SEMA4B: variants seen among roughly 807,000 people sequenced by gnomAD.
The protein encoded by SEMA4B is semaphorin 4B.
Under a neutral mutation model 88.1 loss-of-function variants are expected in SEMA4B, and 55 were observed. The observed-to-expected ratio is 0.62, with a 90% CI of 0.50 to 0.78. The LOEUF is 0.78. Ranked by LOEUF, SEMA4B falls within the 30% of genes least tolerant of loss-of-function variation. SEMA4B has a pLI of 0.00. For missense variants in SEMA4B, 1,062 were observed against 1,111.9 expected (o/e 0.96, Z 0.64); for synonymous variants, 525 against 473.6 (o/e 1.11, Z -1.41).
rs74037025 is a variant in SEMA4B, at chr15:90,204,396, C to T, written c.157+2661C>T. Among the ~76,000 whole-genome samples, 1,223 of 152,278 alleles carry T rather than the reference C, an allele frequency of 8.0e-3. 15 individuals carry two copies. The highest frequency in any genetic ancestry group is 0.027 in the African/African-American group (1,126 of 41,540). ...TCCAGCTTGCCCTGCATCTGGGGTC[C>T]TTCATAGGGAACCCTAATTATTGTT... On this transcript the variant is annotated intron_variant, in intron 1 of 13. Transcript: ENST00000411539.
intron 12 of SEMA4B, among the ~76,000 whole-genome samples, chr15:90,226,928 T>TAA (rs146546001): frequency 2.0e-5 from 3 of 150,662 alleles, no homozygotes; most frequent in Non-Finnish European, 4.4e-5. Flanking sequence ...GTGCACTGTT[T>TAA]AAAAAAAAAG....
intron 1 of SEMA4B, among the ~76,000 whole-genome samples, chr15:90,216,895 A>G (rs2151613508): frequency 6.6e-6 from 1 of 152,356 alleles, no homozygotes; most frequent in East Asian, 1.9e-4. Context: ...TGTCAATGCA[A>G]ATAGCATTCA....
chr15:90,203,058 T>A (rs1877784), intron 1 of SEMA4B, among the ~76,000 whole-genome samples: 61,499 of 152,080 alleles, frequency 0.4, 13,644 homozygotes, highest in East Asian at 0.7. Flanking sequence ...ACAGGTATAA[T>A]AACAGAACCT....
At chr15:90,186,894 C>T (rs993949249) in intron 1 of SEMA4B, among the ~76,000 whole-genome samples, 5 of 152,048 alleles carry the variant, frequency 3.3e-5, no homozygotes, top group Admixed American at 6.6e-5. Flanking sequence ...GATTGCACCA[C>T]TGCACTCCAG....
Position 90,225,653 on chromosome 15 carries a change from C to A in SEMA4B, c.1522-8C>A. The stretch of plus-strand genomic sequence containing the variant: ...GCCCGCTTCTCATCCCCGTGTCTGG[C>A]TGTGCAGGGGCTGCTGTATGCGGCC... On this transcript the variant is annotated splice_region_variant and splice_polypyrimidine_tract_variant and intron_variant, in intron 11 of 13. Transcript: ENST00000411539. The A allele has an allele frequency of 6.4e-7, 1 of 1,560,994 alleles. No individual in the cohort carries two copies. Among genetic ancestry groups the A allele is most frequent in the Admixed American group, 1.9e-5 (1 of 52,806 alleles).
In SEMA4B at chr15:90,223,866, G is replaced by A. The variant is rs184853786; in HGVS notation, c.1072G>A (p.Val358Ile). 1,273 of 1,613,936 alleles carry A rather than the reference G, an allele frequency of 7.9e-4. 1 individual carries two copies. Among genetic ancestry groups the A allele is most frequent in the Admixed American group, 1.8e-3 (108 of 60,022 alleles). Residue 358 changes from valine (V) to isoleucine (I), a missense_variant, in exon 9 of 14, where the codon GTC (valine) becomes ATC (isoleucine). Coordinates refer to ENST00000411539, the MANE Select transcript of SEMA4B (RefSeq NM_198925.4). ...WHRGTTEGSA[V>I]CVFTMKDVQR... ...CAGGGGAACTACAGAAGGCTCTGCC[G>A]TCTGTGTCTTCACAATGAAGGATGT...
At chr15:90,186,862 G>A (rs554980664) in intron 1 of SEMA4B, among the ~76,000 whole-genome samples, 65 of 152,274 alleles carry the variant, frequency 4.3e-4, no homozygotes, top group African/African-American at 1.5e-3. Context: ...GAACCCGCGA[G>A]GCGGAGCTTG....
intron 1 of SEMA4B, among the ~76,000 whole-genome samples, chr15:90,215,589 A>C (rs556609298): frequency 6.6e-6 from 1 of 152,222 alleles, no homozygotes; most frequent in Admixed American, 6.5e-5. Flanking sequence ...AGGCAGGCGG[A>C]TTGCTTGAAG....
intron 12 of SEMA4B, among the ~76,000 whole-genome samples, chr15:90,226,629 C>A (rs1448757093): frequency 2.0e-5 from 3 of 152,194 alleles, no homozygotes; most frequent in Non-Finnish European, 2.9e-5. Flanking sequence ...CCATGAGCCA[C>A]CGCGTCTGGC....
chr15:90,226,674 TG>T (rs1195135395), intron 12 of SEMA4B, among the ~76,000 whole-genome samples: 1 of 152,188 alleles, frequency 6.6e-6, no homozygotes, highest in East Asian at 1.9e-4. Context: ...CATTGGCAAC[TG>T]TCCTGTTTGT....
chr15:90,225,163 C>A lies in SEMA4B; in HGVS notation c.1390C>A (p.Leu464Ile). The A allele has an allele frequency of 6.2e-7, 1 of 1,605,434 alleles. No homozygotes were observed. Residue 464 changes from leucine (L) to isoleucine (I), a missense_variant, in exon 10 of 14, where the codon CTC (leucine) becomes ATC (isoleucine). Physicochemically the swap from Leu to Ile is conservative, Grantham distance 5. Coordinates refer to ENST00000411539, the MANE Select transcript of SEMA4B (RefSeq NM_198925.4). Reference sequence around the variant, plus strand: ...TGGCCTGCACCACACCTACGATGTCCTCTTCCTGGGCACTGGTAAGTGTCT... The same window carrying A: ...TGGCCTGCACCACACCTACGATGTCATCTTCCTGGGCACTGGTAAGTGTCT... The part of the protein sequence containing the change: ...VPGLHHTYDV[L>I]FLGTGDGRLH...
In SEMA4B at chr15:90,225,828, G is replaced by A. The variant is rs763285769; in HGVS notation, c.1688+1G>A. On this transcript the variant is annotated splice_donor_variant, in intron 12 of 13. Coordinates refer to ENST00000411539, the MANE Select transcript of SEMA4B (RefSeq NM_198925.4). LOFTEE classifies it high-confidence loss of function. Reference sequence around the variant, plus strand: ...TCTACCAGCCTCAGCTGGCCACCAGGTGAGCACTCCCAAAGGCCCCTTCCC... The same window carrying A: ...TCTACCAGCCTCAGCTGGCCACCAGATGAGCACTCCCAAAGGCCCCTTCCC... 4 of 1,521,094 alleles carry A rather than the reference G, an allele frequency of 2.6e-6. No individual in the cohort carries two copies. The Admixed American group carries it at 7.7e-5, about 29-fold the overall frequency. 94.2% of individuals were successfully genotyped at this position (1,521,094 alleles called of 1,614,324 possible).
At chr15:90,214,267 C>A (rs1179729133) in intron 1 of SEMA4B, among the ~76,000 whole-genome samples, 1 of 150,832 alleles carries the variant, frequency 6.6e-6, no homozygotes, top group Non-Finnish European at 1.5e-5. Flanking sequence ...TCGCTTGAAC[C>A]TGAGAGGTGT....
intron 1 of SEMA4B, among the ~76,000 whole-genome samples, chr15:90,216,660 A>G (rs982226361): frequency 2.0e-5 from 3 of 152,302 alleles, no homozygotes; most frequent in African/African-American, 2.4e-5. Flanking sequence ...CCTGGCCAAC[A>G]TGGTGAAACC....
chr15:90,221,586 C>T, intron 6 of SEMA4B, 28 bp from the exon 7 acceptor site: 2 of 1,612,960 alleles, frequency 1.2e-6, no homozygotes, highest in Non-Finnish European at 1.7e-6. Context: ...CCTGGGCTGA[C>T]TCTGAGCTCC....
At chr15:90,204,069 C>T (rs2151596562) in intron 1 of SEMA4B, among the ~76,000 whole-genome samples, 1 of 152,310 alleles carries the variant, frequency 6.6e-6, no homozygotes, top group South Asian at 2.1e-4. Context: ...AACAGGCTCA[C>T]CCTTGAGTGT....
chr15:90,222,243 T>C (rs966871469), intron 7 of SEMA4B, among the ~76,000 whole-genome samples: 1 of 113,144 alleles, frequency 8.8e-6, no homozygotes, highest in Non-Finnish European at 1.7e-5. Flanking sequence ...CCCAGCCATT[T>C]TTTTTCTTTT....
At chr15:90,194,389 G>A (rs113283621) in intron 1 of SEMA4B, among the ~76,000 whole-genome samples, 4,379 of 151,870 alleles carry the variant, frequency 0.029, 205 homozygotes, top group African/African-American at 0.099. Context: ...AAAATTAGCC[G>A]GGCGTGGTGG....
At position 90,217,500 on chromosome 15, in the gene SEMA4B, T is replaced by A. The variant is rs752413631; in HGVS notation, c.219T>A (p.Leu73=). 6 of 1,613,958 alleles carry A rather than the reference T, an allele frequency of 3.7e-6. No homozygotes were observed. In the Admixed American group the frequency reaches 1.0e-4, roughly 27 times the overall value. The change falls in exon 2 of 14, where the codon CTT becomes CTA. Residue 73 remains leucine, a synonymous_variant. Transcript: ENST00000411539. ...AACACATCTCCAACTACACAGCCCT[T>A]CTGCTGAGCAGGGATGGCAGGACCC... ...EAEHISNYTA[L]LLSRDGRTLY...
Sources: gnomAD v4.1 joint callset for allele counts (sites outside exome capture counted in the v4.1 genomes callset) on GRCh38, gnomAD v4.1.1 for gene constraint, MANE v1.5 for transcripts, NCBI Gene and HGNC (gene_info 2026-07-23, HGNC 2026-07-21) for gene names.